The following VPS13B variants were observed in gnomAD, a reference collection of about 807,000 sequenced individuals.
The protein encoded by VPS13B is intermembrane lipid transfer protein VPS13B.
A neutral mutation model predicts 426.4 loss-of-function variants in VPS13B; 285 were observed. That is an observed-to-expected ratio of 0.67 (90% CI 0.61 to 0.74). The LOEUF is 0.74. VPS13B is among the 30% of genes least tolerant of loss of function. VPS13B has a pLI of 0.00. For synonymous variants in VPS13B, 1,676 were observed against 1,676.4 expected, an observed-to-expected ratio of 1.00 and a Z score of 0.01; for missense variants, 4,537 against 4,782.6, an observed-to-expected ratio of 0.95 and a Z score of 1.51.
chr8:99,079,647 C>T (rs887866762), intron 3 of VPS13B, among the ~76,000 whole-genome samples: 3 of 151,856 alleles, frequency 2.0e-5, no homozygotes, highest in Non-Finnish European at 4.4e-5. Flanking sequence ...CATTGATTTT[C>T]CCCTTAATAT....
At chr8:99,645,958 A>T (rs368365029) in intron 34 of VPS13B, among the ~76,000 whole-genome samples, 24 of 152,248 alleles carry the variant, frequency 1.6e-4, no homozygotes, top group African/African-American at 5.3e-4. Context: ...GAAAAAAGAG[A>T]AAAATATAAA....
At chr8:99,315,536 T>G (rs1371609387) in intron 19 of VPS13B, among the ~76,000 whole-genome samples, 1 of 151,620 alleles carries the variant, frequency 6.6e-6, no homozygotes, top group East Asian at 1.9e-4. Context: ...ATCTTGGTGT[T>G]TTTTTTTTAA....
intron 43 of VPS13B, among the ~76,000 whole-genome samples, chr8:99,802,437 C>A (rs1288675588): frequency 6.6e-6 from 1 of 152,120 alleles, no homozygotes; most frequent in South Asian, 2.1e-4. Context: ...CCTCTGTATG[C>A]ATCCTATTAG....
At chr8:99,092,318 T>C (rs1371336369) in intron 3 of VPS13B, among the ~76,000 whole-genome samples, 1 of 152,212 alleles carries the variant, frequency 6.6e-6, no homozygotes, top group Non-Finnish European at 1.5e-5. Flanking sequence ...CCATGAAATA[T>C]ACTTACCAGA....
chr8:99,267,759 A>G (rs1013424035), intron 17 of VPS13B, among the ~76,000 whole-genome samples: 2 of 151,782 alleles, frequency 1.3e-5, no homozygotes, highest in Non-Finnish European at 2.9e-5. Context: ...AGAAAAACCC[A>G]TTTTCTGGGG....
intron 30 of VPS13B, among the ~76,000 whole-genome samples, chr8:99,538,957 T>A (rs1289579772): frequency 6.6e-6 from 1 of 152,210 alleles, no homozygotes; most frequent in Non-Finnish European, 1.5e-5. Context: ...ACATTTAGAT[T>A]ATAAAGGAAG....
intron 2 of VPS13B, among the ~76,000 whole-genome samples, chr8:99,016,036 C>A (rs549840832): frequency 5.3e-5 from 8 of 152,298 alleles, no homozygotes; most frequent in African/African-American, 1.9e-4. Flanking sequence ...TTCTTTCAAC[C>A]TTTCTAAGAT....
rs193002080 is a variant in VPS13B at position 99,328,456 on chromosome 8, A to G, written c.2824+53202A>G. Among the ~76,000 whole-genome samples the G allele has an allele frequency of 2.3e-3, 350 of 152,314 alleles. 1 individual carries two copies. Among genetic ancestry groups the G allele is most frequent in the South Asian group, 0.01 (49 of 4,832 alleles). On this transcript the variant is annotated intron_variant, in intron 19 of 61. Coordinates refer to ENST00000357162, the MANE Select transcript of VPS13B (RefSeq NM_152564.5). ...AGGCAGGAAGTTGAGCTGGGAAAAC[A>G]GATATGAAGTAGGGGAAGCAAGGAC...
At chr8:99,515,994 G>C (rs1431856902) in intron 29 of VPS13B, among the ~76,000 whole-genome samples, 1 of 151,996 alleles carries the variant, frequency 6.6e-6, no homozygotes, top group Non-Finnish European at 1.5e-5. Context: ...TTGCATCTCT[G>C]TATCTGTGCA....
chr8:99,744,971 A>T (rs1017789616), intron 39 of VPS13B, among the ~76,000 whole-genome samples: 1 of 146,748 alleles, frequency 6.8e-6, no homozygotes, highest in Admixed American at 6.8e-5. Context: ...AAAGTATAAT[A>T]AAAAAAAAAG....
chr8:99,637,236 G>A (rs1483883067), intron 33 of VPS13B, among the ~76,000 whole-genome samples: 1 of 151,966 alleles, frequency 6.6e-6, no homozygotes, highest in Non-Finnish European at 1.5e-5. Flanking sequence ...CTTAATAGTG[G>A]ACCAGATACC....
At chr8:99,818,687 G>C in intron 46 of VPS13B, 26 bp from the exon 47 acceptor site, 1 of 1,613,142 alleles carries the variant, frequency 6.2e-7, no homozygotes, top group Non-Finnish European at 8.5e-7. Flanking sequence ...AAATATGAAA[G>C]TTGTTCTATC....
At chr8:99,734,204 TTCCTTTC>T (rs1833720316) in intron 39 of VPS13B, among the ~76,000 whole-genome samples, 1 of 152,242 alleles carries the variant, frequency 6.6e-6, no homozygotes, top group African/African-American at 2.4e-5. Context: ...CTGTACTTCA[TTCCTTTC>T]TGTTGCCAAA....
chr8:99,270,652 G>T (rs1366105857), intron 17 of VPS13B, among the ~76,000 whole-genome samples: 3 of 152,064 alleles, frequency 2.0e-5, no homozygotes, highest in Non-Finnish European at 4.4e-5. Flanking sequence ...AACTAATTCA[G>T]ATTTTTGGTT....
At chr8:99,337,632 CTATATGTGTGCATAATA>C (rs1336293237) in intron 19 of VPS13B, among the ~76,000 whole-genome samples, 1 of 151,586 alleles carries the variant, frequency 6.6e-6, no homozygotes, top group African/African-American at 2.4e-5. Context: ...TACAGGTCAG[CTATATGTGTGCATAATA>C]TATTTTCTTA....
chr8:99,375,046 G>A (rs1813408414), intron 19 of VPS13B, among the ~76,000 whole-genome samples: 3 of 152,198 alleles, frequency 2.0e-5, no homozygotes, highest in South Asian at 2.1e-4. Context: ...GCACTTCACC[G>A]GGGGTCTTTC....
chr8:99,473,938 A>G (rs1201944001), intron 24 of VPS13B, among the ~76,000 whole-genome samples: 3 of 152,194 alleles, frequency 2.0e-5, no homozygotes, highest in Admixed American at 6.5e-5. Flanking sequence ...CTAACAAAAG[A>G]TATCTAAGAC....
At chr8:99,857,108 G>T (rs1381198526) in intron 56 of VPS13B, among the ~76,000 whole-genome samples, 2 of 152,216 alleles carry the variant, frequency 1.3e-5, no homozygotes, top group African/African-American at 4.8e-5. Context: ...CCTTGGATCT[G>T]TCTGCCCTTT....
At chr8:99,774,600 A>C (rs765486475) in intron 40 of VPS13B, among the ~76,000 whole-genome samples, 8 of 152,208 alleles carry the variant, frequency 5.3e-5, no homozygotes, top group Non-Finnish European at 1.0e-4. Flanking sequence ...CCATTTTAAA[A>C]AACTGGTCCC....
Sources: allele counts gnomAD v4.1 joint callset (sites outside exome capture counted in the v4.1 genomes callset), GRCh38; gene constraint gnomAD v4.1.1; transcripts MANE v1.5; gene names NCBI Gene and HGNC (gene_info 2026-07-23, HGNC 2026-07-21).